The following EGFR variants were observed in gnomAD, a reference collection of about 807,000 sequenced individuals.
EGFR encodes the protein epidermal growth factor receptor, also known as avian erythroblastic leukemia viral (v-erb-b) oncogene homolog.
A neutral mutation model predicts 143.0 loss-of-function variants in EGFR; 58 were observed. The ratio of observed to expected loss-of-function variants is 0.41; its 90% CI spans 0.33 to 0.50. The LOEUF is 0.50. Among genes scored for constraint, EGFR ranks in the 20% least tolerant of loss-of-function variants. The pLI is 0.39. For missense variants in EGFR, 1,307 were observed against 1,579.0 expected, an observed-to-expected ratio of 0.83 and a Z score of 2.92; for synonymous variants, 613 against 594.4, an observed-to-expected ratio of 1.03 and a Z score of -0.45.
chr7:55,151,194 GTCT>G, intron 4 of EGFR, 97 bp from the exon 5 acceptor site: 1 of 1,154,802 alleles, frequency 8.7e-7, no homozygotes, highest in South Asian at 1.2e-5. Flanking sequence ...TGAAAAGATT[GTCT>G]TCATTTATTG....
intron 19 of EGFR, among the ~76,000 whole-genome samples, chr7:55,176,438 G>A (rs999791496): frequency 1.3e-5 from 2 of 152,146 alleles, no homozygotes; most frequent in Non-Finnish European, 2.9e-5. Context: ...AGCGTCCATG[G>A]GCCTGGCATG....
At chr7:55,023,456 T>C (rs897188139) in intron 1 of EGFR, among the ~76,000 whole-genome samples, 2 of 152,072 alleles carry the variant, frequency 1.3e-5, no homozygotes, top group Admixed American at 1.3e-4. Context: ...GAGACCAGGC[T>C]GACCAACACG....
At chr7:55,164,428 T>G (rs1456848936) in intron 14 of EGFR, among the ~76,000 whole-genome samples, 1 of 152,232 alleles carries the variant, frequency 6.6e-6, no homozygotes, top group African/African-American at 2.4e-5. Flanking sequence ...TGAAAACATT[T>G]TTTAGACATT....
At chr7:55,203,045 T>C (rs1787923153) in intron 27 of EGFR, 1 of 326,518 alleles carries the variant, frequency 3.1e-6, no homozygotes, top group Admixed American at 4.5e-5. Flanking sequence ...TAAATATTAG[T>C]TAATATTAAT....
intron 19 of EGFR, among the ~76,000 whole-genome samples, chr7:55,178,390 G>A (rs978423525): frequency 3.9e-5 from 6 of 152,204 alleles, no homozygotes; most frequent in African/African-American, 1.4e-4. Flanking sequence ...TACTGTGTGT[G>A]TGTCTCCCAC....
intron 1 of EGFR, among the ~76,000 whole-genome samples, chr7:55,070,643 C>T (rs932888193): frequency 2.6e-5 from 4 of 152,182 alleles, no homozygotes; most frequent in African/African-American, 4.8e-5. Context: ...CTGGGATGTG[C>T]GCAGGCGATT....
chr7:55,158,186 A>G (rs1027538779), intron 11 of EGFR, among the ~76,000 whole-genome samples: 8 of 152,186 alleles, frequency 5.3e-5, no homozygotes, highest in Admixed American at 3.9e-4. Flanking sequence ...ACATCTTATC[A>G]CAGGGACCAG....
intron 1 of EGFR, among the ~76,000 whole-genome samples, chr7:55,043,204 G>A (rs17335780): frequency 0.039 from 5,948 of 152,126 alleles, 152 homozygotes; most frequent in Middle Eastern, 0.058. Context: ...ATAGATTTTC[G>A]GAATGTTAAG....
At chr7:55,025,260 T>C (rs2128858440) in intron 1 of EGFR, among the ~76,000 whole-genome samples, 1 of 152,194 alleles carries the variant, frequency 6.6e-6, no homozygotes, top group African/African-American at 2.4e-5. Context: ...AACAGGAAGG[T>C]TCATGACTAT....
At chr7:55,105,659 CA>C (rs1792085772) in intron 1 of EGFR, among the ~76,000 whole-genome samples, 1 of 152,316 alleles carries the variant, frequency 6.6e-6, no homozygotes, top group South Asian at 2.1e-4. Flanking sequence ...ACCACCTACA[CA>C]TCTGACTCTA....
intron 1 of EGFR, among the ~76,000 whole-genome samples, chr7:55,050,922 A>T (rs1429309153): frequency 6.6e-6 from 1 of 151,982 alleles, no homozygotes; most frequent in African/African-American, 2.4e-5. Context: ...ATCACTCCTC[A>T]CTGTTCCTGC....
chr7:55,121,567 C>T (rs1158399504), intron 1 of EGFR, among the ~76,000 whole-genome samples: 1 of 152,212 alleles, frequency 6.6e-6, no homozygotes, highest in Non-Finnish European at 1.5e-5. Flanking sequence ...GTCTCCCTGT[C>T]AGCCTTCTGC....
intron 1 of EGFR, among the ~76,000 whole-genome samples, chr7:55,065,267 C>T (rs1789427603): frequency 1.3e-5 from 2 of 152,122 alleles, no homozygotes; most frequent in Non-Finnish European, 2.9e-5. Context: ...AAGGAAATTA[C>T]TCCCTAGGGA....
At chr7:55,189,133 C>T (rs1021918594) in intron 20 of EGFR, among the ~76,000 whole-genome samples, 8 of 151,784 alleles carry the variant, frequency 5.3e-5, no homozygotes, top group Non-Finnish European at 8.8e-5. Context: ...TATATATACA[C>T]ATATACATAT....
chr7:55,123,652 A>G (rs1793343928), intron 1 of EGFR, among the ~76,000 whole-genome samples: 1 of 152,078 alleles, frequency 6.6e-6, no homozygotes, highest in Non-Finnish European at 1.5e-5. Flanking sequence ...AGGCTTTGCA[A>G]GAGGAGGTCT....
chr7:55,157,009 A>C (rs1218058340), intron 10 of EGFR, 177 bp downstream of exon 10: 5 of 1,447,944 alleles, frequency 3.5e-6, no homozygotes, highest in African/African-American at 1.4e-5. Context: ...AAAAGGGGAC[A>C]CGTTAAGTCC....
intron 1 of EGFR, among the ~76,000 whole-genome samples, chr7:55,047,313 C>T (rs1026403793): frequency 5.3e-5 from 8 of 152,126 alleles, no homozygotes; most frequent in Admixed American, 2.6e-4. Flanking sequence ...GTTTAGAGGA[C>T]GAAGCATTAC....
intron 22 of EGFR, among the ~76,000 whole-genome samples, chr7:55,197,152 T>G (rs1363842140): frequency 6.6e-6 from 1 of 152,222 alleles, no homozygotes; most frequent in African/African-American, 2.4e-5. Context: ...CATGGAATGT[T>G]TTTCCATTTG....
At chr7:55,178,813 A>C (rs1786720683) in intron 19 of EGFR, among the ~76,000 whole-genome samples, 1 of 152,214 alleles carries the variant, frequency 6.6e-6, no homozygotes, top group Non-Finnish European at 1.5e-5. Context: ...AGAGAGCCTA[A>C]ACACTCTGCA....
Sources: gnomAD v4.1 joint callset for allele counts (sites outside exome capture counted in the v4.1 genomes callset) on GRCh38, gnomAD v4.1.1 for gene constraint, MANE v1.5 for transcripts, NCBI Gene and HGNC (gene_info 2026-07-23, HGNC 2026-07-21) for gene names.